The following GALNT15 variants were observed in gnomAD, a reference collection of about 807,000 sequenced individuals.
The protein encoded by GALNT15 is UDP-GalNAc transferase T15.
Under a neutral mutation model 66.8 loss-of-function variants are expected in GALNT15, and 67 were observed. That is an observed-to-expected ratio of 1.00 (90% CI 0.82 to 1.23). GALNT15 has a LOEUF of 1.23. GALNT15 is among the 50% of genes most tolerant of loss of function. The pLI is 0.00. For synonymous variants in GALNT15, 313 were observed against 311.5 expected (o/e 1.00, Z -0.05); for missense variants, 827 against 804.3 (o/e 1.03, Z -0.34).
intron 6 of GALNT15, among the ~76,000 whole-genome samples, chr3:16,214,852 A>T (rs1269930357): frequency 1.3e-5 from 2 of 152,172 alleles, no homozygotes; most frequent in African/African-American, 4.8e-5. Flanking sequence ...ACTTTATTCA[A>T]TTAGCAACAG....
chr3:16,217,599 C>A (rs2063893320), intron 6 of GALNT15, among the ~76,000 whole-genome samples: 1 of 152,168 alleles, frequency 6.6e-6, no homozygotes, highest in East Asian at 1.9e-4. Context: ...TCCTGGGCAC[C>A]CAAAAGACAA....
At chr3:16,212,091 T>C (rs933981049) in intron 5 of GALNT15, among the ~76,000 whole-genome samples, 22 of 152,142 alleles carry the variant, frequency 1.4e-4, no homozygotes, top group African/African-American at 5.3e-4. Context: ...AGAGGGAAAT[T>C]TCTTGAAATA....
chr3:16,232,993 C>T (rs2064098494), downstream of GALNT15, among the ~76,000 whole-genome samples: 1 of 151,688 alleles, frequency 6.6e-6, no homozygotes, highest in African/African-American at 2.4e-5. Flanking sequence ...TCAGAAAATC[C>T]TCACTGGATG....
intron 3 of GALNT15, among the ~76,000 whole-genome samples, chr3:16,207,266 A>T (rs2063766526): frequency 6.6e-6 from 1 of 152,134 alleles, no homozygotes; most frequent in Non-Finnish European, 1.5e-5. Flanking sequence ...CCTCCCAGGA[A>T]TCTCACTTCT....
chr3:16,232,043 G>C, downstream of GALNT15: 6 of 1,249,180 alleles, frequency 4.8e-6, no homozygotes, highest in Non-Finnish European at 6.4e-6. Flanking sequence ...TGCAGAAACT[G>C]TTCAGAGAGG....
the GALNT15 span, among the ~76,000 whole-genome samples, chr3:16,242,321 C>A: frequency 2.0e-4 from 30 of 152,318 alleles, no homozygotes; most frequent in Non-Finnish European, 3.8e-4. The surrounding 1 kb of genome is among the most constrained non-coding windows in gnomAD (Gnocchi z 5.6). Context: ...GTCCCAGAAT[C>A]CCCAGCAAAG....
At chr3:16,226,050 GAA>G (rs34201320) in intron 9 of GALNT15, among the ~76,000 whole-genome samples, 35 of 139,766 alleles carry the variant, frequency 2.5e-4, no homozygotes, top group African/African-American at 7.2e-4. Context: ...CTCCTTCTTG[GAA>G]AAAAAAAAAA....
rs1332152467 is a variant in GALNT15 at position 16,229,046 on chromosome 3, C to CAGATGGA, written c.*1547_*1553dup. ...AACAGCATTCATATTCATTTTTCCCCAGATGGAGTTACCTACCTTTCCACA... is the reference window on the plus strand; with the variant it reads ...AACAGCATTCATATTCATTTTTCCCCAGATGGAAGATGGAGTTACCTACCTTTCCACA... On this transcript the variant is annotated 3_prime_UTR_variant, in exon 10 of 10. Transcript: ENST00000339732. 2.0e-6 allele frequency: 2 copies of CAGATGGA among 985,322 alleles called. No individual in the cohort carries two copies. Among genetic ancestry groups the CAGATGGA allele is most frequent in the African/African-American group, 1.7e-5 (1 of 57,236 alleles). 61.0% of individuals were successfully genotyped at this position (985,322 alleles called of 1,614,324 possible).
chr3:16,219,856 G>T lies in GALNT15; in HGVS notation c.1525-54G>T, dbSNP rs2063922661. 4.0e-5 allele frequency: 56 copies of T among 1,390,596 alleles called. No homozygotes were observed. The highest frequency in any genetic ancestry group is 5.1e-5 in the Non-Finnish European group (50 of 977,060). The allele number at this position is 1,390,596 out of a possible 1,614,324, so 86.1% of individuals were successfully genotyped here. ...AGCAAAGGAATGGTGTCTGACCGAG[G>T]GTGTCTTTACAGTGGAATCTGGAAT... On this transcript the variant is annotated intron_variant, in intron 7 of 9. Transcript: ENST00000339732. The surrounding 1 kb of genome is among the most constrained non-coding windows in gnomAD (Gnocchi z 4.3).
Position 16,189,950 on chromosome 3 carries a change from A to C in GALNT15, c.540-5810A>C, listed in dbSNP as rs2063555445. Among the ~76,000 whole-genome samples the C allele has an allele frequency of 6.6e-6, 1 of 152,258 alleles. No individual in the cohort carries two copies. The highest frequency in any genetic ancestry group is 2.1e-4 in the South Asian group (1 of 4,836). On this transcript the variant is annotated intron_variant, in intron 1 of 9. Coordinates refer to ENST00000339732, the MANE Select transcript of GALNT15 (RefSeq NM_054110.5). This position sits in a 1 kb window ranked among gnomAD's most constrained non-coding sequence, Gnocchi z 5.1. ...CTCAGAGAGCTTATGGTACTTGCCC[A>C]GGTCACATAAGGACAGACTGGGATT...
At chr3:16,205,917 T>G (rs1170771706) in intron 3 of GALNT15, among the ~76,000 whole-genome samples, 2 of 152,128 alleles carry the variant, frequency 1.3e-5, no homozygotes, top group African/African-American at 4.8e-5. Flanking sequence ...AAAAAGAAGA[T>G]TTCAGAAAGG....
At chr3:16,231,866 A>G (rs2064085329), downstream of GALNT15, 1 of 1,536,364 alleles carries the variant, frequency 6.5e-7, no homozygotes, top group South Asian at 1.2e-5. This position sits in a 1 kb window ranked among gnomAD's most constrained non-coding sequence, Gnocchi z 4.1. Context: ...ATTGTGAACA[A>G]TGGGTAGGAC....
At chr3:16,232,623 G>A (rs1186285577), downstream of GALNT15, among the ~76,000 whole-genome samples, 1 of 149,554 alleles carries the variant, frequency 6.7e-6, no homozygotes, top group East Asian at 2.0e-4. Flanking sequence ...AGAGACAGCT[G>A]TGGGGGTGGA....
At chr3:16,190,622 A>T (rs13098972) in intron 1 of GALNT15, among the ~76,000 whole-genome samples, 1 of 141,452 alleles carries the variant, frequency 7.1e-6, no homozygotes, top group Non-Finnish European at 1.5e-5. Context: ...TGGGGGACAG[A>T]GCGAGACTCC....
the GALNT15 span, among the ~76,000 whole-genome samples, chr3:16,239,110 G>A: frequency 5.9e-5 from 9 of 152,134 alleles, no homozygotes; most frequent in Admixed American, 2.0e-4. This position sits in a 1 kb window ranked among gnomAD's most constrained non-coding sequence, Gnocchi z 5.2. Flanking sequence ...TGGAGAGGGC[G>A]GCAGAAGCAA....
rs1461945607 is a variant in GALNT15 at position 16,219,363 on chromosome 3, C to A, written c.1393-40C>A. ...CCAACCATGTGAATTCTGGGCAAGA[C>A]AAGCTTTCATCATCCTGCTTGTGTC... On this transcript the variant is annotated intron_variant, in intron 6 of 9. Coordinates refer to ENST00000339732, the MANE Select transcript of GALNT15 (RefSeq NM_054110.5). The surrounding 1 kb of genome is among the most constrained non-coding windows in gnomAD (Gnocchi z 4.3). 1.2e-6 allele frequency: 2 copies of A among 1,608,498 alleles called. No homozygotes were observed. The highest frequency in any genetic ancestry group is 1.3e-5 in the African/African-American group (1 of 74,900).
Position 16,203,369 on chromosome 3 carries a change from G to C in GALNT15, c.911+2546G>C, listed in dbSNP as rs1342853435. On this transcript the variant is annotated intron_variant, in intron 3 of 9. Transcript: ENST00000339732. The surrounding 1 kb of genome is among the most constrained non-coding windows in gnomAD (Gnocchi z 6.2). ...GGCACTACCTCAGTGTCCTAGGCTA[G>C]AAAGAAAATGAGGCTCCCTGGGAAG... 1.3e-5 allele frequency among the ~76,000 whole-genome samples: 2 copies of C among 152,072 alleles called. No individual in the cohort carries two copies. The highest frequency in any genetic ancestry group is 2.9e-5 in the Non-Finnish European group (2 of 68,028).
At position 16,188,941 on chromosome 3, in the gene GALNT15, G is replaced by A. The variant is rs940747842; in HGVS notation, c.540-6819G>A. ...GAGCCCAGGGTTCCCAAACATGGGC[G>A]AGTAGGGCCATACCATCTGGACCAT... On this transcript the variant is annotated intron_variant, in intron 1 of 9. Coordinates refer to ENST00000339732, the MANE Select transcript of GALNT15 (RefSeq NM_054110.5). The surrounding 1 kb of genome is among the most constrained non-coding windows in gnomAD (Gnocchi z 4.6). Among the ~76,000 whole-genome samples the A allele has an allele frequency of 2.0e-5, 3 of 152,100 alleles. No individual in the cohort carries two copies. The highest frequency in any genetic ancestry group is 2.9e-5 in the Non-Finnish European group (2 of 68,008).
In GALNT15 at chr3:16,195,803, G is replaced by A. The variant is rs760602999; in HGVS notation, c.583G>A (p.Val195Ile). 34 of 1,613,904 alleles carry A rather than the reference G, an allele frequency of 2.1e-5. No homozygotes were observed. Among genetic ancestry groups the A allele is most frequent in the South Asian group, 9.9e-5 (9 of 91,058 alleles). ...HPQDSLPTAS[V>I]ILCFHDEAWS... ...TCAGGACAGCCTGCCCACAGCCAGC[G>A]TCATCCTCTGTTTCCATGATGAGGC... Residue 195 changes from valine (V) to isoleucine (I), a missense_variant, in exon 2 of 10, where the codon GTC becomes ATC. Val to Ile is a conservative substitution (Grantham distance 29). Transcript: ENST00000339732. The surrounding 1 kb of genome is among the most constrained non-coding windows in gnomAD (Gnocchi z 4.6).
Sources: allele counts gnomAD v4.1 joint callset (sites outside exome capture counted in the v4.1 genomes callset), GRCh38; gene constraint gnomAD v4.1.1; non-coding constraint Gnocchi (gnomAD v3.1); transcripts MANE v1.5; gene names NCBI Gene and HGNC (gene_info 2026-07-23, HGNC 2026-07-21).